The following VPS13D variants were observed in gnomAD, a reference collection of about 807,000 sequenced individuals.
The protein encoded by VPS13D is vacuolar protein sorting 13 homolog D, also known as intermembrane lipid transfer protein VPS13D.
A neutral mutation model predicts 461.9 loss-of-function variants in VPS13D; 187 were observed. The observed-to-expected ratio is 0.40, with a 90% CI of 0.36 to 0.46. The LOEUF (loss-of-function observed/expected upper bound fraction) is 0.46. VPS13D is among the 20% of genes least tolerant of loss of function. VPS13D has a pLI of 0.60. For missense variants in VPS13D, 4,711 were observed against 5,364.9 expected (o/e 0.88, Z 3.81); for synonymous variants, 1,951 against 1,986.3 (o/e 0.98, Z 0.47).
intron 13 of VPS13D, among the ~76,000 whole-genome samples, chr1:12,264,859 CT>C (rs566414285): frequency 3.7e-4 from 57 of 152,300 alleles, no homozygotes; most frequent in African/African-American, 1.3e-3. Flanking sequence ...CCATCTAGGA[CT>C]TTTCATAGCT....
rs918969586 is a variant in VPS13D at position 12,307,968 on chromosome 1, A to ATGAAGG, written c.6440-460_6440-455dup. Among the ~76,000 whole-genome samples the ATGAAGG allele has an allele frequency of 4.3e-4, 66 of 152,320 alleles. 1 individual carries two copies. The East Asian group carries it at 5.4e-3, about 12-fold the overall frequency. The stretch of plus-strand genomic sequence containing the variant: ...AGAGTTCTTTTTGGTCTAGGCAAGA[A>ATGAAGG]TGAAGGTGGTTTGGATCTGGTCAGT... On this transcript the variant is annotated intron_variant, in intron 26 of 69. Coordinates refer to ENST00000620676, the MANE Select transcript of VPS13D (RefSeq NM_015378.4).
At chr1:12,284,946 G>A (rs1158678697) in intron 21 of VPS13D, among the ~76,000 whole-genome samples, 1 of 152,194 alleles carries the variant, frequency 6.6e-6, no homozygotes, top group Non-Finnish European at 1.5e-5. Flanking sequence ...ATTCCTTTGG[G>A]CTTCATGTGT....
At chr1:12,404,275 C>T (rs1429215938) in intron 63 of VPS13D, among the ~76,000 whole-genome samples, 1 of 152,068 alleles carries the variant, frequency 6.6e-6, no homozygotes, top group Non-Finnish European at 1.5e-5. Flanking sequence ...TGTTTAGCTC[C>T]TGGCTTACCT....
At chr1:12,456,186 T>G in intron 66 of VPS13D, 56 bp downstream of exon 66, 1 of 1,554,276 alleles carries the variant, frequency 6.4e-7, no homozygotes, top group South Asian at 1.2e-5. Context: ...GGCGCCTTTG[T>G]ATCAATCTGA....
chr1:12,287,245 G>A (rs913121223), intron 21 of VPS13D, among the ~76,000 whole-genome samples: 1 of 152,158 alleles, frequency 6.6e-6, no homozygotes, highest in Non-Finnish European at 1.5e-5. Flanking sequence ...CATACTGCAA[G>A]GGAACTGGAG....
intron 63 of VPS13D, among the ~76,000 whole-genome samples, chr1:12,407,737 G>T (rs574699411): frequency 6.6e-6 from 1 of 152,108 alleles, no homozygotes; most frequent in African/African-American, 2.4e-5. Context: ...ATATTTCCTC[G>T]ATTCAGACCA....
intron 65 of VPS13D, among the ~76,000 whole-genome samples, chr1:12,451,595 C>T (rs1243068694): frequency 6.6e-6 from 1 of 152,220 alleles, no homozygotes; most frequent in African/African-American, 2.4e-5. Flanking sequence ...TGCAAATGCT[C>T]CTTCTGGTGT....
At chr1:12,501,574 T>C (rs1188848155) in intron 68 of VPS13D, among the ~76,000 whole-genome samples, 2 of 152,234 alleles carry the variant, frequency 1.3e-5, no homozygotes, top group Non-Finnish European at 2.9e-5. Context: ...GCCTGTGCAC[T>C]GGCAAATTTC....
chr1:12,272,413 G>GTA (rs1641473753), intron 17 of VPS13D, among the ~76,000 whole-genome samples: 1 of 151,742 alleles, frequency 6.6e-6, no homozygotes, highest in Non-Finnish European at 1.5e-5. Flanking sequence ...GTGTGTGTGT[G>GTA]TGTGTGTGTG....
chr1:12,489,981 T>G (rs985346906), intron 67 of VPS13D, among the ~76,000 whole-genome samples: 2 of 152,230 alleles, frequency 1.3e-5, no homozygotes, highest in Admixed American at 1.3e-4. Flanking sequence ...CCTACTCTAG[T>G]GCTCCCTGTC....
At chr1:12,386,056 C>T (rs191034606) in intron 59 of VPS13D, 129 bp from the exon 60 acceptor site, 27 of 1,083,960 alleles carry the variant, frequency 2.5e-5, no homozygotes, top group Non-Finnish European at 3.4e-5. Flanking sequence ...TAGGACTCCC[C>T]TAAGTGGTTT....
chr1:12,377,775 G>T (rs914424627), intron 55 of VPS13D, among the ~76,000 whole-genome samples: 1 of 137,598 alleles, frequency 7.3e-6, no homozygotes, highest in Admixed American at 8.3e-5. Context: ...AGCCGAGATC[G>T]CACTATTTCA....
rs1381655009 is a variant in VPS13D at position 12,386,328 on chromosome 1, T to C, written c.11628T>C (p.Asp3876=). The C allele has an allele frequency of 4.4e-6, 7 of 1,604,506 alleles. No individual in the cohort carries two copies. Among genetic ancestry groups the C allele is most frequent in the Non-Finnish European group, 6.0e-6 (7 of 1,176,228 alleles). Residue 3876 remains aspartate, a synonymous_variant, in exon 60 of 70, where the codon GAT becomes GAC. Coordinates refer to ENST00000620676, the MANE Select transcript of VPS13D (RefSeq NM_015378.4). ...ACATGCTTGAACTCAGCATACAGGATGTACAGGTAAGGGGGAAGTTCCAAA... is the reference window on the plus strand; with the variant it reads ...ACATGCTTGAACTCAGCATACAGGACGTACAGGTAAGGGGGAAGTTCCAAA... The part of the protein sequence containing the change: ...TSHMLELSIQ[D]VQVDNQLIGT...
intron 1 of VPS13D, among the ~76,000 whole-genome samples, chr1:12,233,431 T>C (rs1050800755): frequency 1.3e-5 from 2 of 152,188 alleles, no homozygotes; most frequent in Non-Finnish European, 2.9e-5. Context: ...AGCTGTCTTG[T>C]GTGTTGTAGG....
rs114565037 is a variant in VPS13D, at chr1:12,374,348, G to A, written c.10917+490G>A. ...TCTCCTTTTTAGTTGGAAACCAAGT[G>A]TAGAAAGTTTGACATTTTAGGTTTT... On this transcript the variant is annotated intron_variant, in intron 55 of 69. Coordinates refer to ENST00000620676, the MANE Select transcript of VPS13D (RefSeq NM_015378.4). 2.8e-3 allele frequency among the ~76,000 whole-genome samples: 423 copies of A among 152,282 alleles called. 1 individual carries two copies. The highest frequency in any genetic ancestry group is 4.4e-3 in the Non-Finnish European group (297 of 68,020).
At chr1:12,236,127 T>C (rs924555788) in intron 2 of VPS13D, among the ~76,000 whole-genome samples, 30 of 152,232 alleles carry the variant, frequency 2.0e-4, no homozygotes, top group African/African-American at 6.8e-4. Flanking sequence ...TCTTTATGGC[T>C]TTTAATGAAC....
chr1:12,279,452 G>C lies in VPS13D; in HGVS notation c.4451-47G>C. On this transcript the variant is annotated intron_variant, in intron 19 of 69. Transcript: ENST00000620676. This position sits in a 1 kb window ranked among gnomAD's most constrained non-coding sequence, Gnocchi z 4.3. ...TCTACGTTTAATCAGCAGTAATGAAGTAAATATTAAGGTTTATGGTCTATC... is the reference window on the plus strand; with the variant it reads ...TCTACGTTTAATCAGCAGTAATGAACTAAATATTAAGGTTTATGGTCTATC... The C allele has an allele frequency of 6.6e-7, 1 of 1,521,344 alleles. No homozygotes were observed. The highest frequency in any genetic ancestry group is 1.4e-5 in the African/African-American group (1 of 73,188). The allele number at this position is 1,521,344 out of a possible 1,614,324, so 94.2% of individuals were successfully genotyped here.
chr1:12,467,310 G>A (rs1645499495), intron 67 of VPS13D, among the ~76,000 whole-genome samples: 1 of 152,150 alleles, frequency 6.6e-6, no homozygotes, highest in Non-Finnish European at 1.5e-5. Context: ...TAGCTGGGAT[G>A]GCAGGCGCAC....
chr1:12,279,585 A>T lies in VPS13D; in HGVS notation c.4537A>T (p.Ser1513Cys). Reference protein sequence around the residue: ...ERESELTFSLSPDDLGTSSIM... With the variant: ...ERESELTFSLCPDDLGTSSIM... The stretch of plus-strand genomic sequence containing the variant: ...AGAATCTGAATTGACTTTTTCTCTT[A>T]GCCCAGATGACCTGGGAACTTCTAG... Residue 1513 changes from serine (S) to cysteine (C), a missense_variant, in exon 20 of 70, where the codon AGC (serine) becomes TGC (cysteine). Around this residue, in one of 3 missense-constraint regions of VPS13D, gnomAD observed 4,411 missense variants for 4,937.8 expected, o/e 0.89. Coordinates refer to ENST00000620676, the MANE Select transcript of VPS13D (RefSeq NM_015378.4). The surrounding 1 kb of genome is among the most constrained non-coding windows in gnomAD (Gnocchi z 4.3). 3 of 1,613,652 alleles carry T rather than the reference A, an allele frequency of 1.9e-6. No individual in the cohort carries two copies. In the South Asian group the frequency reaches 3.3e-5, roughly 18 times the overall value.
Sources: allele counts gnomAD v4.1 joint callset (sites outside exome capture counted in the v4.1 genomes callset), GRCh38; gene constraint gnomAD v4.1.1; regional missense constraint gnomAD v4.1.1; non-coding constraint Gnocchi (gnomAD v3.1); transcripts MANE v1.5; gene names NCBI Gene and HGNC (gene_info 2026-07-23, HGNC 2026-07-21).